The following SCMH1 variants were observed in gnomAD, a reference collection of about 807,000 sequenced individuals.
The protein encoded by SCMH1 is Scm polycomb group protein homolog 1, also known as polycomb protein SCMH1.
A neutral mutation model predicts 70.8 loss-of-function variants in SCMH1; 37 were observed. The observed-to-expected ratio is 0.52, with a 90% CI of 0.40 to 0.69. The LOEUF is 0.69. SCMH1 is among the 30% of genes least tolerant of loss of function. The probability of loss-of-function intolerance (pLI) is 0.00; values close to 1 mark genes in which losing one functional copy is unlikely to be tolerated. For missense variants in SCMH1, 607 were observed against 827.3 expected, an observed-to-expected ratio of 0.73 and a Z score of 3.27; for synonymous variants, 292 against 307.4, an observed-to-expected ratio of 0.95 and a Z score of 0.52.
At position 41,113,477 on chromosome 1, in the gene SCMH1, T is replaced by C; in HGVS notation, c.551A>G (p.Glu184Gly). 6.2e-7 allele frequency: 1 copy of C among 1,614,018 alleles called. No homozygotes were observed. The highest frequency in any genetic ancestry group is 2.2e-5 in the East Asian group (1 of 44,866). Residue 184 changes from glutamate (E) to glycine (G), a missense_variant, in exon 8 of 15, where the codon GAA becomes GGA. This residue lies in a region of SCMH1 where 105 missense variants were observed against 214.5 expected (regional missense o/e 0.49). Transcript: ENST00000337495. This position sits in a 1 kb window ranked among gnomAD's most constrained non-coding sequence, Gnocchi z 4.3. ...ATGAGGGTTCTTCCTGTCCACAGCT[T>C]CTAGCTTCATTCCCATTTTGAAGAA...
chr1:41,091,076 C>T (rs901004977), intron 8 of SCMH1, among the ~76,000 whole-genome samples: 1 of 149,292 alleles, frequency 6.7e-6, no homozygotes, highest in African/African-American at 2.5e-5. Context: ...TTGAGAGACA[C>T]AACAAAAAAA....
chr1:41,181,927 T>C (rs570681652), intron 2 of SCMH1, among the ~76,000 whole-genome samples: 69 of 152,244 alleles, frequency 4.5e-4, no homozygotes, highest in Middle Eastern at 6.8e-3. Flanking sequence ...CTATTCACAA[T>C]AGCAAAGACT....
chr1:41,145,349 C>CT (rs1644458163), intron 5 of SCMH1, among the ~76,000 whole-genome samples: 1 of 152,034 alleles, frequency 6.6e-6, no homozygotes, highest in Non-Finnish European at 1.5e-5. Context: ...TCTTGGTACC[C>CT]TTGTCAAAAA....
intron 6 of SCMH1, among the ~76,000 whole-genome samples, chr1:41,139,942 A>G (rs1308145810): frequency 6.6e-6 from 1 of 152,216 alleles, no homozygotes. Context: ...AAAACATAAA[A>G]TGAAGCAAAT....
intron 14 of SCMH1, 67 bp downstream of exon 15, chr1:41,028,517 G>A (rs963484064): frequency 7.4e-5 from 118 of 1,592,384 alleles, no homozygotes; most frequent in Non-Finnish European, 9.1e-5. Flanking sequence ...CAAACATCTC[G>A]TATTGTCCCC....
intron 1 of SCMH1, among the ~76,000 whole-genome samples, chr1:41,203,427 C>T (rs936052025): frequency 6.6e-6 from 1 of 152,096 alleles, no homozygotes; most frequent in Non-Finnish European, 1.5e-5. Context: ...AAACACAGTT[C>T]TAAAGGAAAT....
At chr1:41,151,732 A>C in intron 4 of SCMH1, 48 bp from the exon 5 acceptor site, 1 of 1,392,734 alleles carries the variant, frequency 7.2e-7, no homozygotes. Flanking sequence ...CCTAAAAAAA[A>C]TGTTTTCAGG....
intron 14 of SCMH1, 33 bp from the exon 16 acceptor site, chr1:41,028,352 G>A: frequency 6.2e-7 from 1 of 1,611,950 alleles, no homozygotes; most frequent in Non-Finnish European, 8.5e-7. Context: ...GAAGTGGAAG[G>A]GAGGCACCAT....
intron 8 of SCMH1, among the ~76,000 whole-genome samples, chr1:41,076,628 C>T (rs756210087): frequency 1.2e-4 from 18 of 152,150 alleles, no homozygotes; most frequent in Non-Finnish European, 4.4e-5. Flanking sequence ...AAGGGAAGTC[C>T]TCTTTGAGGA....
At chr1:41,105,899 G>T (rs190201746) in intron 8 of SCMH1, among the ~76,000 whole-genome samples, 30 of 148,664 alleles carry the variant, frequency 2.0e-4, no homozygotes, top group Non-Finnish European at 3.6e-4. Flanking sequence ...TTTTGAGACA[G>T]AGTCTTGCTC....
At chr1:41,164,881 T>TC (rs1646310212) in intron 2 of SCMH1, among the ~76,000 whole-genome samples, 1 of 152,162 alleles carries the variant, frequency 6.6e-6, no homozygotes, top group African/African-American at 2.4e-5. Context: ...ATTTATAATT[T>TC]CTTTGTGGTG....
rs138967741 is a variant in SCMH1 at position 41,042,476 on chromosome 1, C to T, written c.1498+3931G>A. 1.6e-3 allele frequency among the ~76,000 whole-genome samples: 239 copies of T among 152,090 alleles called. 3 individuals carry two copies. Among genetic ancestry groups the T allele is most frequent in the East Asian group, 0.013 (67 of 5,160 alleles). On this transcript the variant is annotated intron_variant, in intron 12 of 14. Transcript: ENST00000337495. ...GTTAGCCAGGCTGGTCTCGAACTCC[C>T]GACCTCAGGTGATCCACTTTTGGCC...
chr1:41,191,350 A>T (rs1352749425), intron 1 of SCMH1, among the ~76,000 whole-genome samples: 1 of 152,256 alleles, frequency 6.6e-6, no homozygotes, highest in African/African-American at 2.4e-5. Flanking sequence ...AGTGTAAATG[A>T]AATTTTTTAT....
chr1:41,205,965 G>T (rs1457783173), intron 1 of SCMH1, among the ~76,000 whole-genome samples: 1 of 152,292 alleles, frequency 6.6e-6, no homozygotes, highest in African/African-American at 2.4e-5. Context: ...CTGTTAGAAG[G>T]AAAACTAACA....
At chr1:41,091,792 T>C (rs543436326) in intron 8 of SCMH1, among the ~76,000 whole-genome samples, 52 of 152,014 alleles carry the variant, frequency 3.4e-4, no homozygotes, top group African/African-American at 1.2e-3. Context: ...GAGAATAAAA[T>C]ACCTAGGAAT....
At chr1:41,121,046 A>G (rs1302875090) in intron 6 of SCMH1, among the ~76,000 whole-genome samples, 1 of 152,210 alleles carries the variant, frequency 6.6e-6, no homozygotes, top group Non-Finnish European at 1.5e-5. Context: ...ATTTAAATCC[A>G]GCTTTGCCAC....
At position 41,208,542 on chromosome 1, in the gene SCMH1, T is replaced by G. The variant is rs572576528; in HGVS notation, c.-117-22292A>C. On this transcript the variant is annotated intron_variant, in intron 1 of 14. Coordinates refer to ENST00000337495, the Ensembl canonical transcript of SCMH1. ...CAACAAACTGTCTCTCAGACCACAG[T>G]GTAATCAAATTAGAACTCAGTATTA... 4.6e-5 allele frequency among the ~76,000 whole-genome samples: 7 copies of G among 152,100 alleles called. No individual in the cohort carries two copies. The South Asian group carries it at 6.2e-4, about 14-fold the overall frequency.
chr1:41,223,602 G>A (rs16827995), intron 1 of SCMH1, among the ~76,000 whole-genome samples: 2,962 of 151,360 alleles, frequency 0.02, 98 homozygotes, highest in African/African-American at 0.068. Flanking sequence ...TCAATGTATC[G>A]TAAAAATACA....
intron 1 of SCMH1, among the ~76,000 whole-genome samples, chr1:41,232,630 G>C (rs1176385152): frequency 6.6e-6 from 1 of 152,184 alleles, no homozygotes; most frequent in Non-Finnish European, 1.5e-5. Flanking sequence ...AGCTATCTCT[G>C]AGTCTCAGTT....
Sources: allele counts gnomAD v4.1 joint callset (sites outside exome capture counted in the v4.1 genomes callset), GRCh38; gene constraint gnomAD v4.1.1; regional missense constraint gnomAD v4.1.1; non-coding constraint Gnocchi (gnomAD v3.1); transcripts MANE v1.5; gene names NCBI Gene and HGNC (gene_info 2026-07-23, HGNC 2026-07-21).